Variants in HTR6 observed in about 807,000 individuals in gnomAD.
The protein encoded by HTR6 is 5-hydroxytryptamine receptor 6.
In HTR6, 15 loss-of-function variants were observed where a neutral mutation model predicts 17.4. The ratio of observed to expected loss-of-function variants is 0.86; its 90% CI spans 0.58 to 1.33. The LOEUF is 1.33. Ranked by LOEUF, HTR6 falls within the 40% of genes most tolerant of loss-of-function variation. HTR6 has a pLI of 0.00. For missense variants in HTR6, 578 were observed against 616.0 expected, an observed-to-expected ratio of 0.94 and a Z score of 0.65; for synonymous variants, 326 against 295.5, an observed-to-expected ratio of 1.10 and a Z score of -1.06.
At chr1:19,669,835 C>T (rs1292561363) in intron 1 of HTR6, among the ~76,000 whole-genome samples, 4 of 152,144 alleles carry the variant, frequency 2.6e-5, no homozygotes, top group Non-Finnish European at 4.4e-5. Context: ...AGGGTTTCAC[C>T]ATGTTGGCCA....
chr1:19,674,782 T>C (rs1262586718), intron 1 of HTR6, among the ~76,000 whole-genome samples: 5 of 152,232 alleles, frequency 3.3e-5, no homozygotes. Context: ...TGGGACACAT[T>C]CTTGGATATG....
chr1:19,676,667 G>A (rs1332744909), intron 1 of HTR6, among the ~76,000 whole-genome samples: 1 of 152,208 alleles, frequency 6.6e-6, no homozygotes, highest in Non-Finnish European at 1.5e-5. Context: ...GCAGAGTGGG[G>A]TGGGGTGTTG....
intron 1 of HTR6, among the ~76,000 whole-genome samples, chr1:19,669,475 GGTAA>G (rs956761444): frequency 2.0e-5 from 3 of 152,306 alleles, no homozygotes; most frequent in African/African-American, 7.2e-5. Flanking sequence ...TTGCACAGTT[GGTAA>G]GTGAGGTTTA....
chr1:19,666,760 G>A lies in HTR6; in HGVS notation c.714+293G>A, dbSNP rs1321064582. ...CTGGTCTTCCCCATCATGGCAAATGGCACCATTGCGGCATCACATGCCAGG... is the reference window on the plus strand; with the variant it reads ...CTGGTCTTCCCCATCATGGCAAATGACACCATTGCGGCATCACATGCCAGG... On this transcript the variant is annotated intron_variant, in intron 1 of 2. Transcript: ENST00000289753. The surrounding 1 kb of genome is among the most constrained non-coding windows in gnomAD (Gnocchi z 4.5). Among the ~76,000 whole-genome samples the A allele has an allele frequency of 6.6e-6, 1 of 152,042 alleles. No individual in the cohort carries two copies. The highest frequency in any genetic ancestry group is 1.5e-5 in the Non-Finnish European group (1 of 67,980).
In HTR6 at chr1:19,666,126, T is replaced by C. The variant is rs1430954753; in HGVS notation, c.373T>C (p.Tyr125His). The change falls in exon 1 of 3, where the codon TAC becomes CAC. Residue 125 changes from tyrosine to histidine, a missense_variant. Transcript: ENST00000289753. The surrounding 1 kb of genome is among the most constrained non-coding windows in gnomAD (Gnocchi z 4.5). ...CCTCTGCCTCATCAGCCTGGACCGC[T>C]ACCTGCTCATCCTCTCGCCGCTGCG... The part of the protein sequence containing the change: ...LNLCLISLDR[Y>H]LLILSPLRYK... 1 of 1,612,330 alleles carries C rather than the reference T, an allele frequency of 6.2e-7. No homozygotes were observed. Among genetic ancestry groups the C allele is most frequent in the Non-Finnish European group, 8.5e-7 (1 of 1,179,888 alleles).
intron 1 of HTR6, 80 bp from the exon 2 acceptor site, chr1:19,678,486 AT>A (rs1484530417): frequency 6.5e-7 from 1 of 1,536,532 alleles, no homozygotes; most frequent in African/African-American, 1.4e-5. Context: ...TAGAATTAGG[AT>A]TGAAGCTCAG....
At position 19,666,644 on chromosome 1, in the gene HTR6, T is replaced by C. The variant is rs906255661; in HGVS notation, c.714+177T>C. Among the ~76,000 whole-genome samples the C allele has an allele frequency of 2.6e-5, 4 of 151,926 alleles. No homozygotes were observed. Among genetic ancestry groups the C allele is most frequent in the African/African-American group, 9.7e-5 (4 of 41,358 alleles). On this transcript the variant is annotated intron_variant, in intron 1 of 2. Coordinates refer to ENST00000289753, the MANE Select transcript of HTR6 (RefSeq NM_000871.3). The surrounding 1 kb of genome is among the most constrained non-coding windows in gnomAD (Gnocchi z 4.5). ...AATGCCTGACCCACCCACCACAGGA[T>C]AGCTCCGTCAGGATTTGGGGGCAGG...
At position 19,666,604 on chromosome 1, in the gene HTR6, C is replaced by A; in HGVS notation, c.714+137C>A. 1.5e-6 allele frequency: 1 copy of A among 660,284 alleles called. No homozygotes were observed. Among genetic ancestry groups the A allele is most frequent in the Non-Finnish European group, 2.5e-6 (1 of 392,452 alleles). 40.9% of individuals were successfully genotyped at this position (660,284 alleles called of 1,614,324 possible). A position where few individuals can be genotyped will look rare whatever the true frequency, so the allele number is the denominator to read the frequency against. ...GCTGTTGTGAGCGCCCACCTTTCTT[C>A]TGAACTCCAGAGCCAATGCCTGACC... On this transcript the variant is annotated intron_variant, in intron 1 of 2. Coordinates refer to ENST00000289753, the MANE Select transcript of HTR6 (RefSeq NM_000871.3). This position sits in a 1 kb window ranked among gnomAD's most constrained non-coding sequence, Gnocchi z 4.5.
intron 1 of HTR6, among the ~76,000 whole-genome samples, chr1:19,676,807 C>T (rs1286124565): frequency 2.0e-5 from 3 of 152,208 alleles, no homozygotes; most frequent in Non-Finnish European, 1.5e-5. Context: ...TCCAACCCAC[C>T]TCTGGCCTCG....
chr1:19,666,423 T>A lies in HTR6; in HGVS notation c.670T>A (p.Ser224Thr). The A allele has an allele frequency of 1.9e-6, 3 of 1,613,120 alleles. No individual in the cohort carries two copies. Among genetic ancestry groups the A allele is most frequent in the Non-Finnish European group, 2.5e-6 (3 of 1,179,876 alleles). ...CCGCAAGCAGGCCGTGCAGGTGGCC[T>A]CCCTCACCACCGGCATGGCCAGTCA... The part of the protein sequence containing the change: ...AARKQAVQVA[S>T]LTTGMASQAS... Residue 224 changes from serine to threonine, a missense_variant, in exon 1 of 3, where the codon TCC (serine) becomes ACC (threonine). Physicochemically the swap from Ser to Thr is moderately conservative, Grantham distance 58. Transcript: ENST00000289753. This position sits in a 1 kb window ranked among gnomAD's most constrained non-coding sequence, Gnocchi z 4.5.
intron 1 of HTR6, among the ~76,000 whole-genome samples, chr1:19,667,219 T>C (rs2095082668): frequency 6.6e-6 from 1 of 152,106 alleles, no homozygotes; most frequent in Non-Finnish European, 1.5e-5. Context: ...GCCTGGAATG[T>C]TCTTCCCCCG....
chr1:19,669,074 C>T (rs1369517376), intron 1 of HTR6, among the ~76,000 whole-genome samples: 2 of 152,146 alleles, frequency 1.3e-5, no homozygotes, highest in East Asian at 3.8e-4. Flanking sequence ...ATGGGGTGTC[C>T]CTTTACCATC....
chr1:19,669,530 C>T (rs2095085302), intron 1 of HTR6, among the ~76,000 whole-genome samples: 2 of 152,180 alleles, frequency 1.3e-5, no homozygotes, highest in African/African-American at 2.4e-5. Context: ...TGCTGGTGTG[C>T]TGCCTGTGGG....
chr1:19,677,268 T>C (rs2095095518), intron 1 of HTR6, among the ~76,000 whole-genome samples: 1 of 151,928 alleles, frequency 6.6e-6, no homozygotes, highest in Non-Finnish European at 1.5e-5. Context: ...TTCAAAAGGC[T>C]CATGAAGTTT....
At chr1:19,674,260 G>A (rs2100473754) in intron 1 of HTR6, among the ~76,000 whole-genome samples, 1 of 152,248 alleles carries the variant, frequency 6.6e-6, no homozygotes, top group African/African-American at 2.4e-5. Flanking sequence ...AAACAAATAG[G>A]ATCATGCTGT....
intron 1 of HTR6, among the ~76,000 whole-genome samples, chr1:19,676,703 C>T (rs1181587946): frequency 6.6e-6 from 1 of 152,220 alleles, no homozygotes; most frequent in African/African-American, 2.4e-5. Context: ...GGAGTTGACA[C>T]ATCTTGGCTT....
At chr1:19,676,346 T>C (rs1234399867) in intron 1 of HTR6, among the ~76,000 whole-genome samples, 1 of 152,178 alleles carries the variant, frequency 6.6e-6, no homozygotes, top group Non-Finnish European at 1.5e-5. Flanking sequence ...CCAGATCACC[T>C]GTCTTAAAAG....
chr1:19,665,663 C>T lies in HTR6; in HGVS notation c.-91C>T, dbSNP rs2095080441. On this transcript the variant is annotated 5_prime_UTR_variant, in exon 1 of 3. The change creates a new upstream start codon in the 5' untranslated region. Transcript: ENST00000289753. The surrounding 1 kb of genome is among the most constrained non-coding windows in gnomAD (Gnocchi z 4.2). The stretch of plus-strand genomic sequence containing the variant: ...CGTGGTGAGTCGCGGTCTGTTCTCA[C>T]GGACGGTCCCCGTCCAGCCTGCGCT... 1 of 864,784 alleles carries T rather than the reference C, an allele frequency of 1.2e-6. No homozygotes were observed. Among genetic ancestry groups the T allele is most frequent in the Non-Finnish European group, 1.7e-6 (1 of 574,820 alleles). 53.6% of individuals were successfully genotyped at this position (864,784 alleles called of 1,614,324 possible).
chr1:19,673,991 C>A lies in HTR6; in HGVS notation c.715-4576C>A, dbSNP rs188146798. 8.1e-3 allele frequency among the ~76,000 whole-genome samples: 1,232 copies of A among 151,850 alleles called. 64 individuals are homozygous for A. Among genetic ancestry groups the A allele is most frequent in the Admixed American group, 0.075 (1,144 of 15,242 alleles). ...CAGGTGATCCTCCCACGTCAACCTC[C>A]GGAGTAGCTGGGGCTACAGACGCAC... On this transcript the variant is annotated intron_variant, in intron 1 of 2. Coordinates refer to ENST00000289753, the MANE Select transcript of HTR6 (RefSeq NM_000871.3).
Sources: allele counts gnomAD v4.1 joint callset (sites outside exome capture counted in the v4.1 genomes callset), GRCh38; gene constraint gnomAD v4.1.1; non-coding constraint Gnocchi (gnomAD v3.1); transcripts MANE v1.5; gene names NCBI Gene and HGNC (gene_info 2026-07-23, HGNC 2026-07-21).